ATM: variants seen among roughly 807,000 people sequenced by gnomAD.
The protein encoded by ATM is serine-protein kinase ATM.
In ATM, 308 loss-of-function variants were observed where a neutral mutation model predicts 387.0. The ratio of observed to expected loss-of-function variants is 0.80; its 90% confidence interval spans 0.73 to 0.87. ATM has a LOEUF of 0.87. Ranked by LOEUF, ATM falls within the 40% of genes least tolerant of loss-of-function variation. ATM has a pLI of 0.00. For missense variants in ATM, 3,312 were observed against 3,560.9 expected (o/e 0.93, Z 1.78); for synonymous variants, 1,156 against 1,187.3 (o/e 0.97, Z 0.54).
At chr11:108,330,480 C>T (rs2136469875) in intron 50 of ATM, 59 bp downstream of exon 50, 2 of 1,544,432 alleles carry the variant, frequency 1.3e-6, no homozygotes, top group Non-Finnish European at 1.8e-6. Flanking sequence ...ACATAAGCCC[C>T]TTGATGTCAG....
intron 56 of ATM, among the ~76,000 whole-genome samples, chr11:108,338,844 T>C (rs2087147293): frequency 6.6e-6 from 1 of 152,222 alleles, no homozygotes; most frequent in African/African-American, 2.4e-5. Context: ...ATCATTATGT[T>C]AAACTAAGTG....
At chr11:108,273,509 T>C (rs1302052190) in intron 22 of ATM, among the ~76,000 whole-genome samples, 2 of 151,848 alleles carry the variant, frequency 1.3e-5, no homozygotes, top group Non-Finnish European at 2.9e-5. Context: ...GCCCAGCTAA[T>C]TTTTTTATTT....
chr11:108,321,804 T>TTG (rs1411148582), intron 45 of ATM, among the ~76,000 whole-genome samples: 112 of 151,912 alleles, frequency 7.4e-4, no homozygotes, highest in African/African-American at 2.6e-3. Flanking sequence ...AAAAAAACTA[T>TTG]GTAGAGACCA....
intron 61 of ATM, among the ~76,000 whole-genome samples, chr11:108,360,674 A>G (rs1211275969): frequency 1.5e-3 from 217 of 148,612 alleles, no homozygotes; most frequent in African/African-American, 5.3e-3. Flanking sequence ...TCCAGCATAT[A>G]AACAGAACCA....
rs190663628 is a variant in ATM, at chr11:108,358,462, T to C, written c.8850+3588T>C. Reference sequence around the variant, plus strand: ...ACAGAGAATGCCACAAAGATACTCTTTGAGAAGAGCAACTCCAAGACACAT... The same window carrying C: ...ACAGAGAATGCCACAAAGATACTCTCTGAGAAGAGCAACTCCAAGACACAT... On this transcript the variant is annotated intron_variant, in intron 61 of 62. Transcript: ENST00000675843. Among the ~76,000 whole-genome samples, 867 of 151,084 alleles carry C rather than the reference T, an allele frequency of 5.7e-3. 8 individuals are homozygous for C. Among genetic ancestry groups the C allele is most frequent in the African/African-American group, 0.017 (704 of 41,000 alleles).
chr11:108,256,448 C>G, intron 14 of ATM, 108 bp downstream of exon 14: 3 of 1,164,718 alleles, frequency 2.6e-6, no homozygotes, highest in South Asian at 1.4e-5. Context: ...CAGGTTAACC[C>G]TTTCTCTTTT....
intron 1 of ATM, 187 bp from the exon 2 acceptor site, chr11:108,227,408 T>G: frequency 3.9e-6 from 2 of 512,940 alleles, no homozygotes; most frequent in Non-Finnish European, 6.9e-6. Flanking sequence ...AAATCTCATT[T>G]TAAATACGGA....
chr11:108,254,553 TA>T (rs2080355950), intron 13 of ATM, among the ~76,000 whole-genome samples: 1 of 152,240 alleles, frequency 6.6e-6, no homozygotes, highest in African/African-American at 2.4e-5. Flanking sequence ...TTGCATTTTT[TA>T]AAATGTGAAA....
rs186644530 is a variant in ATM, at chr11:108,368,350, A to G, written c.*2842A>G. ...TCTTTCTGCAAATGACTAAGATAGAAAACTGCCAAGGACAAATGAGGAGTA... is the reference window on the plus strand; with the variant it reads ...TCTTTCTGCAAATGACTAAGATAGAGAACTGCCAAGGACAAATGAGGAGTA... On this transcript the variant is annotated 3_prime_UTR_variant, in exon 63 of 63. Coordinates refer to ENST00000675843, the MANE Select transcript of ATM (RefSeq NM_000051.4). 6.7e-4 allele frequency: 145 copies of G among 215,110 alleles called. No individual in the cohort carries two copies. Among genetic ancestry groups the G allele is most frequent in the South Asian group, 1.5e-3 (8 of 5,336 alleles). The allele number at this position is 215,110 out of a possible 1,614,324, so 13.3% of individuals were successfully genotyped here. A position where few individuals can be genotyped will look rare whatever the true frequency, so the allele number is the denominator to read the frequency against.
At chr11:108,272,420 A>C (rs2081631413) in intron 20 of ATM, 112 bp from the exon 21 acceptor site, 1 of 899,164 alleles carries the variant, frequency 1.1e-6, no homozygotes, top group South Asian at 1.5e-5. Context: ...ATGACAAATA[A>C]GTTTAGCACA....
intron 47 of ATM, among the ~76,000 whole-genome samples, chr11:108,327,021 T>G (rs1267005079): frequency 1.3e-5 from 2 of 151,988 alleles, no homozygotes; most frequent in Non-Finnish European, 2.9e-5. Context: ...AGAGATGGGG[T>G]TTCACCATGT....
intron 29 of ATM, chr11:108,290,684 T>C (rs1338264164): frequency 7.0e-6 from 1 of 143,350 alleles, no homozygotes; most frequent in East Asian, 2.0e-4. Context: ...TATCCAAGTA[T>C]GATGATATGC....
chr11:108,240,528 A>G (rs953333910), intron 5 of ATM, among the ~76,000 whole-genome samples: 4 of 152,342 alleles, frequency 2.6e-5, no homozygotes, highest in Non-Finnish European at 2.9e-5. Context: ...CCTAAGCTAT[A>G]TGGTATTACT....
chr11:108,361,414 C>T (rs1437541410), intron 61 of ATM, among the ~76,000 whole-genome samples: 11 of 151,744 alleles, frequency 7.2e-5, no homozygotes, highest in Admixed American at 3.9e-4. Flanking sequence ...ATCAAGCTAC[C>T]AATGACTTTC....
chr11:108,262,577 A>G (rs2080965235), intron 16 of ATM, among the ~76,000 whole-genome samples: 2 of 152,252 alleles, frequency 1.3e-5, no homozygotes, highest in Admixed American at 1.3e-4. Flanking sequence ...TGCATCAACT[A>G]ATGAGCAAAA....
Position 108,257,506 on chromosome 11 carries a change from G to A in ATM, c.2276G>A (p.Ser759Asn), listed in dbSNP as rs786202270. The A allele has an allele frequency of 6.8e-6, 11 of 1,613,566 alleles. No individual in the cohort carries two copies. The highest frequency in any genetic ancestry group is 5.5e-5 in the South Asian group (5 of 91,082). Residue 759 changes from serine to asparagine, a missense_variant, in exon 15 of 63, where the codon AGT becomes AAT. Ser to Asn is a conservative substitution (Grantham distance 46). This residue lies in a region of ATM where 1,791 missense variants were observed against 1,804.5 expected (regional missense o/e 0.99). Transcript: ENST00000675843. ...AKSLMQCAGE[S>N]ITLFKNKTNE... Reference sequence around the variant, plus strand: ...TCTCTAATGCAATGTGCAGGAGAAAGTATCACTCTGTTTAAAAATAAGACA... The same window carrying A: ...TCTCTAATGCAATGTGCAGGAGAAAATATCACTCTGTTTAAAAATAAGACA...
At chr11:108,339,750 C>A (rs2087295349) in intron 56 of ATM, among the ~76,000 whole-genome samples, 1 of 152,034 alleles carries the variant, frequency 6.6e-6, no homozygotes, top group Non-Finnish European at 1.5e-5. Flanking sequence ...CCTCCCCGCC[C>A]CAGAGCTAGA....
chr11:108,270,756 C>T (rs1015834740), intron 18 of ATM, among the ~76,000 whole-genome samples: 1 of 151,996 alleles, frequency 6.6e-6, no homozygotes. Flanking sequence ...AGTGCAGTGG[C>T]GCGATCTCGG....
chr11:108,362,639 G>T (rs1355880653), intron 61 of ATM, among the ~76,000 whole-genome samples: 2 of 149,436 alleles, frequency 1.3e-5, no homozygotes, highest in Non-Finnish European at 3.0e-5. Context: ...ATGAGTTCAT[G>T]TCCTTTGTAG....
Sources: gnomAD v4.1 joint callset for allele counts (sites outside exome capture counted in the v4.1 genomes callset) on GRCh38, gnomAD v4.1.1 for gene constraint, gnomAD v4.1.1 regional missense constraint, MANE v1.5 for transcripts, NCBI Gene and HGNC (gene_info 2026-07-23, HGNC 2026-07-21) for gene names.